Variants in BABAM2 observed in about 807,000 individuals in gnomAD.
BABAM2 encodes the protein BRISC and BRCA1 A complex member 2.
In BABAM2, 31 loss-of-function variants were observed where a neutral mutation model predicts 54.7. The observed-to-expected ratio is 0.57, with a 90% confidence interval of 0.43 to 0.77. The LOEUF (loss-of-function observed/expected upper bound fraction) is 0.77, where lower values mean the gene tolerates loss of function less well. Among genes scored for constraint, BABAM2 ranks in the 30% least tolerant of loss-of-function variants. The probability of loss-of-function intolerance (pLI) is 0.00; values close to 1 mark genes in which losing one functional copy is unlikely to be tolerated. For missense variants in BABAM2, 364 were observed against 455.8 expected (o/e 0.80, Z 1.83); for synonymous variants, 167 against 162.9 (o/e 1.03, Z -0.19).
chr2:28,221,111 CCTCTCT>C (rs72394956), intron 7 of BABAM2, among the ~76,000 whole-genome samples: 4 of 148,408 alleles, frequency 2.7e-5, no homozygotes, highest in Non-Finnish European at 6.0e-5. Context: ...TCCCTTTTTT[CCTCTCT>C]CTCTCTCTCT....
At chr2:27,895,873 T>C (rs1478673251) in intron 2 of BABAM2, among the ~76,000 whole-genome samples, 2 of 152,238 alleles carry the variant, frequency 1.3e-5, no homozygotes, top group African/African-American at 2.4e-5. Context: ...TATTTACTTA[T>C]GCCAGTATGA....
At chr2:28,155,817 A>G (rs1007759509) in intron 7 of BABAM2, among the ~76,000 whole-genome samples, 5 of 152,208 alleles carry the variant, frequency 3.3e-5, no homozygotes, top group African/African-American at 1.2e-4. Flanking sequence ...AGATGGGGTT[A>G]TCAGCCACAG....
chr2:28,136,597 G>A (rs1558373367), intron 7 of BABAM2, among the ~76,000 whole-genome samples: 1 of 152,354 alleles, frequency 6.6e-6, no homozygotes, highest in Non-Finnish European at 1.5e-5. Flanking sequence ...ATGGTCGCCT[G>A]TTCATGTTTC....
At chr2:28,118,263 A>G (rs1668774356) in intron 6 of BABAM2, among the ~76,000 whole-genome samples, 1 of 152,202 alleles carries the variant, frequency 6.6e-6, no homozygotes, top group African/African-American at 2.4e-5. Context: ...GTCAAATGGT[A>G]TCTCTGGTTC....
chr2:28,238,072 A>T (rs2148060009), intron 8 of BABAM2, among the ~76,000 whole-genome samples: 1 of 150,718 alleles, frequency 6.6e-6, no homozygotes, highest in South Asian at 2.1e-4. Flanking sequence ...CTAGTCTCAA[A>T]CTCCTGACTT....
chr2:28,141,454 G>A (rs767207545), intron 7 of BABAM2, among the ~76,000 whole-genome samples: 81 of 152,108 alleles, frequency 5.3e-4, no homozygotes, highest in Non-Finnish European at 9.9e-4. Flanking sequence ...TCTTGCTCTC[G>A]ATAGCTAACA....
intron 5 of BABAM2, among the ~76,000 whole-genome samples, chr2:28,029,604 G>C (rs182634303): frequency 2.4e-4 from 37 of 152,232 alleles, no homozygotes; most frequent in African/African-American, 8.9e-4. Context: ...TCATCCATCA[G>C]TGAACATTTG....
chr2:28,310,322 T>A (rs1360975035), intron 11 of BABAM2: 1 of 641,314 alleles, frequency 1.6e-6, no homozygotes, highest in Non-Finnish European at 2.6e-6. Context: ...GCACGGAGTG[T>A]TTACAGCCCA....
intron 3 of BABAM2, 114 bp downstream of exon 3, chr2:27,930,022 A>C: frequency 2.2e-6 from 2 of 892,072 alleles, no homozygotes; most frequent in Non-Finnish European, 3.4e-6. Flanking sequence ...GATATTGTTC[A>C]CTAGCATTTA....
rs551776258 is a variant in BABAM2 at position 28,136,259 on chromosome 2, G to A, written c.680+6879G>A. The stretch of plus-strand genomic sequence containing the variant: ...CTTCTCAATCATCACCTCCTCCATG[G>A]AACATTTCCTGACCGCCACTGCCTG... On this transcript the variant is annotated intron_variant, in intron 7 of 11. Coordinates refer to ENST00000379624, the MANE Select transcript of BABAM2 (RefSeq NM_199191.3). Among the ~76,000 whole-genome samples the A allele has an allele frequency of 8.5e-5, 13 of 152,238 alleles. No homozygotes were observed. In the South Asian group the frequency reaches 2.5e-3, roughly 29 times the overall value.
intron 3 of BABAM2, among the ~76,000 whole-genome samples, chr2:27,936,206 C>T (rs1003744503): frequency 1.3e-5 from 2 of 152,182 alleles, no homozygotes; most frequent in South Asian, 2.1e-4. Context: ...AGGAGTGAGC[C>T]ACCATGTCCG....
intron 11 of BABAM2, among the ~76,000 whole-genome samples, chr2:28,334,220 C>T (rs1159532727): frequency 1.3e-5 from 2 of 152,254 alleles, no homozygotes; most frequent in Non-Finnish European, 2.9e-5. Context: ...AAACGTGCTC[C>T]CTTCTGTGTA....
intron 7 of BABAM2, among the ~76,000 whole-genome samples, chr2:28,155,486 C>T (rs1672462781): frequency 1.3e-5 from 2 of 151,998 alleles, no homozygotes; most frequent in African/African-American, 4.8e-5. Flanking sequence ...AGATGAGAAT[C>T]CTGATGACTT....
rs1353460639 is a variant in BABAM2, at chr2:28,126,713, C to T, written c.571-2558C>T. 4.7e-4 allele frequency among the ~76,000 whole-genome samples: 62 copies of T among 131,752 alleles called. No homozygotes were observed. In the East Asian group the frequency reaches 9.9e-3, roughly 21 times the overall value. The allele number at this position is 131,752 out of a possible 152,430, so 86.4% of individuals were successfully genotyped here. On this transcript the variant is annotated intron_variant, in intron 6 of 11. Coordinates refer to ENST00000379624, the MANE Select transcript of BABAM2 (RefSeq NM_199191.3). ...TTCTAGTTCTAGATCCCTGAGGAATCGCCACACTGACTTCCACAATGGTTG... is the reference window on the plus strand; with the variant it reads ...TTCTAGTTCTAGATCCCTGAGGAATTGCCACACTGACTTCCACAATGGTTG...
rs771207463 is a variant in BABAM2, at chr2:27,894,653, A to G, written c.97A>G (p.Asn33Asp). 1.9e-6 allele frequency: 3 copies of G among 1,614,018 alleles called. No individual in the cohort carries two copies. Among genetic ancestry groups the G allele is most frequent in the African/African-American group, 2.7e-5 (2 of 74,902 alleles). The change falls in exon 2 of 12, where the codon AAC (asparagine) becomes GAC (aspartate). Residue 33 changes from asparagine (N) to aspartate (D), a missense_variant. Coordinates refer to ENST00000379624, the MANE Select transcript of BABAM2 (RefSeq NM_199191.3). ...TGGAAAAGTGGGACTGGATGCTACAAACTGTTTGAGGATAACTGACTTAAA... is the reference window on the plus strand; with the variant it reads ...TGGAAAAGTGGGACTGGATGCTACAGACTGTTTGAGGATAACTGACTTAAA... ...RNGKVGLDAT[N>D]CLRITDLKSG...
At chr2:28,276,906 T>C (rs1685925201) in intron 10 of BABAM2, among the ~76,000 whole-genome samples, 1 of 152,178 alleles carries the variant, frequency 6.6e-6, no homozygotes, top group Non-Finnish European at 1.5e-5. Flanking sequence ...ATACAGATGA[T>C]GAGCATTATC....
At position 28,225,967 on chromosome 2, in the gene BABAM2, G is replaced by A. The variant is rs114832823; in HGVS notation, c.681-11235G>A. 4.0e-3 allele frequency among the ~76,000 whole-genome samples: 603 copies of A among 152,114 alleles called. 6 individuals carry two copies. Among genetic ancestry groups the A allele is most frequent in the African/African-American group, 0.013 (559 of 41,484 alleles). On this transcript the variant is annotated intron_variant, in intron 7 of 11. Transcript: ENST00000379624. ...ACTGTCAAATATTTCTATAATCCTA[G>A]ATCAAGAGTCAGCAAACTAAAACCT...
rs576122448 is a variant in BABAM2 at position 28,180,549 on chromosome 2, G to T, written c.680+51169G>T. 3.3e-5 allele frequency among the ~76,000 whole-genome samples: 5 copies of T among 152,150 alleles called. No individual in the cohort carries two copies. The South Asian group carries it at 1.0e-3, about 32-fold the overall frequency. On this transcript the variant is annotated intron_variant, in intron 7 of 11. Coordinates refer to ENST00000379624, the MANE Select transcript of BABAM2 (RefSeq NM_199191.3). ...GTAGAGCAAATGCTACAGGACATTGGTTTAGGCAAAGATTTTAAGTCTGTG... is the reference window on the plus strand; with the variant it reads ...GTAGAGCAAATGCTACAGGACATTGTTTTAGGCAAAGATTTTAAGTCTGTG...
intron 7 of BABAM2, among the ~76,000 whole-genome samples, chr2:28,226,904 G>A (rs1209178007): frequency 6.6e-6 from 1 of 152,106 alleles, no homozygotes; most frequent in East Asian, 1.9e-4. Flanking sequence ...TGAGAGAAAG[G>A]AGTCAGCAAT....
Sources: allele counts gnomAD v4.1 joint callset (sites outside exome capture counted in the v4.1 genomes callset), GRCh38; gene constraint gnomAD v4.1.1; transcripts MANE v1.5; gene names NCBI Gene and HGNC (gene_info 2026-07-23, HGNC 2026-07-21).